Variants in ANKRD45 observed in about 807,000 individuals in gnomAD.
ANKRD45 encodes the protein ankyrin repeat domain 45, also known as ankyrin repeat domain-containing protein 45.
A neutral mutation model predicts 28.1 loss-of-function variants in ANKRD45; 21 were observed. The ratio of observed to expected loss-of-function variants is 0.75; its 90% CI spans 0.53 to 1.08. The LOEUF (loss-of-function observed/expected upper bound fraction) is 1.08. ANKRD45 is among the 50% of genes least tolerant of loss of function. The pLI is 0.00. For missense variants in ANKRD45, 261 were observed against 308.7 expected (o/e 0.85, Z 1.16); for synonymous variants, 86 against 103.9 (o/e 0.83, Z 1.05).
At chr1:173,698,930 C>G in the ANKRD45 span, among the ~76,000 whole-genome samples, 2 of 149,726 alleles carry the variant, frequency 1.3e-5, no homozygotes, top group African/African-American at 4.9e-5. Flanking sequence ...GATAGCAAGA[C>G]TAATAAAGAA....
chr1:173,624,711 A>G (rs545612097), intron 5 of ANKRD45, 76 bp downstream of exon 5: 3 of 1,435,832 alleles, frequency 2.1e-6, no homozygotes, highest in East Asian at 4.6e-5. Flanking sequence ...TAAAATCAGA[A>G]TATCTCAAAA....
At chr1:173,685,650 G>A in the ANKRD45 span, among the ~76,000 whole-genome samples, 3 of 152,126 alleles carry the variant, frequency 2.0e-5, no homozygotes, top group African/African-American at 7.2e-5. Context: ...AGCTATCTTG[G>A]TCTTGTTGTT....
the ANKRD45 span, among the ~76,000 whole-genome samples, chr1:173,690,930 T>C: frequency 2.0e-4 from 30 of 152,152 alleles, no homozygotes; most frequent in African/African-American, 6.5e-4. Context: ...ATTTCCCCAC[T>C]GGAAATTTCT....
At chr1:173,657,317 A>G in intron 2 of ANKRD45, 1 of 324,316 alleles carries the variant, frequency 3.1e-6, no homozygotes, top group Non-Finnish European at 6.3e-6. Flanking sequence ...AAAATACGAA[A>G]ATTAGCCAGG....
the ANKRD45 span, among the ~76,000 whole-genome samples, chr1:173,682,941 CTTTT>C: frequency 6.7e-6 from 1 of 149,782 alleles, no homozygotes; most frequent in Non-Finnish European, 1.5e-5. Context: ...TTGCCTCTCT[CTTTT>C]TTTTTCTTTT....
intron 3 of ANKRD45, chr1:173,635,549 T>G: frequency 1.2e-5 from 18 of 1,532,120 alleles, no homozygotes; most frequent in Non-Finnish European, 1.6e-5. Flanking sequence ...ACCGCTGATT[T>G]TTTCTCTGTT....
intron 2 of ANKRD45, among the ~76,000 whole-genome samples, chr1:173,653,690 C>T (rs1408288885): frequency 6.6e-6 from 1 of 152,132 alleles, no homozygotes; most frequent in Non-Finnish European, 1.5e-5. Flanking sequence ...CTAATGTTGA[C>T]AGTGGGGTGT....
chr1:173,690,825 G>C, the ANKRD45 span, among the ~76,000 whole-genome samples: 3 of 152,108 alleles, frequency 2.0e-5, no homozygotes, highest in Non-Finnish European at 4.4e-5. Context: ...TTGGGGTAAG[G>C]TTCAAGGTTC....
At chr1:173,672,414 C>T (rs189595661), upstream of ANKRD45, among the ~76,000 whole-genome samples, 3 of 152,172 alleles carry the variant, frequency 2.0e-5, no homozygotes, top group East Asian at 5.8e-4. Flanking sequence ...TTTTTAATAT[C>T]TGGATGGAAG....
intron 3 of ANKRD45, chr1:173,635,292 A>G (rs936090704): frequency 4.3e-5 from 19 of 444,900 alleles, no homozygotes; most frequent in African/African-American, 3.2e-4. Flanking sequence ...CTGAGTCACT[A>G]TGACTGATGA....
chr1:173,682,669 C>T, the ANKRD45 span, among the ~76,000 whole-genome samples: 2 of 131,540 alleles, frequency 1.5e-5, no homozygotes, highest in East Asian at 2.3e-4. Flanking sequence ...GAAAAAACCA[C>T]GAAGGCCTTT....
At chr1:173,623,748 G>C (rs547250491) in intron 5 of ANKRD45, among the ~76,000 whole-genome samples, 2 of 152,192 alleles carry the variant, frequency 1.3e-5, no homozygotes, top group East Asian at 3.9e-4. Flanking sequence ...AGAAAATGTG[G>C]AACATATATA....
the ANKRD45 span, among the ~76,000 whole-genome samples, chr1:173,686,262 T>C: frequency 6.6e-6 from 1 of 152,180 alleles, no homozygotes; most frequent in African/African-American, 2.4e-5. Context: ...AATAACTAGA[T>C]GGTCAGCAAT....
chr1:173,655,208 C>CT (rs35756343), intron 2 of ANKRD45, among the ~76,000 whole-genome samples: 25,832 of 152,118 alleles, frequency 0.17, 7,301 homozygotes, highest in African/African-American at 0.59. Context: ...CTTTTCTGCT[C>CT]GGTTTCTCCC....
intron 5 of ANKRD45, among the ~76,000 whole-genome samples, chr1:173,613,897 G>A (rs956528857): frequency 1.3e-5 from 2 of 152,172 alleles, no homozygotes; most frequent in Admixed American, 6.5e-5. Flanking sequence ...AAGTAGACAT[G>A]GGAGACTTTT....
chr1:173,688,685 C>T, the ANKRD45 span, among the ~76,000 whole-genome samples: 2 of 132,308 alleles, frequency 1.5e-5, no homozygotes, highest in Non-Finnish European at 3.1e-5. Context: ...TCTCTTTCTG[C>T]CTCTTTCCTC....
rs752734890 is a variant in ANKRD45 at position 173,659,012 on chromosome 1, T to C, written c.328+79A>G. ...TAAAGTATAAAACAGGCACATCAAATATATCTAACCTTAAAGATATTACAT... is the reference window on the plus strand; with the variant it reads ...TAAAGTATAAAACAGGCACATCAAACATATCTAACCTTAAAGATATTACAT... On this transcript the variant is annotated intron_variant, in intron 2 of 5. Transcript: ENST00000333279. 4 of 1,527,658 alleles carry C rather than the reference T, an allele frequency of 2.6e-6. No homozygotes were observed. The South Asian group carries it at 5.2e-5, about 20-fold the overall frequency. The allele number at this position is 1,527,658 out of a possible 1,614,324, so 94.6% of individuals were successfully genotyped here. A position where few individuals can be genotyped will look rare whatever the true frequency, so the allele number is the denominator to read the frequency against.
the ANKRD45 span, among the ~76,000 whole-genome samples, chr1:173,687,947 C>G: frequency 6.6e-6 from 1 of 151,306 alleles, no homozygotes; most frequent in Non-Finnish European, 1.5e-5. Context: ...GCTAGGAAAC[C>G]TGCTGGGTTA....
the ANKRD45 span, among the ~76,000 whole-genome samples, chr1:173,711,940 G>A: frequency 1.5e-4 from 23 of 152,258 alleles, no homozygotes; most frequent in African/African-American, 5.5e-4. Context: ...TCTTATCCTG[G>A]ACAGGAGTTT....
Sources: allele counts gnomAD v4.1 joint callset (sites outside exome capture counted in the v4.1 genomes callset), GRCh38; gene constraint gnomAD v4.1.1; transcripts MANE v1.5; gene names NCBI Gene and HGNC (gene_info 2026-07-23, HGNC 2026-07-21).